Variants in SLC4A4 observed in about 807,000 individuals in gnomAD.
The protein encoded by SLC4A4 is solute carrier family 4 member 4.
In SLC4A4, 27 loss-of-function variants were observed where a neutral mutation model predicts 111.5. That is an observed-to-expected ratio of 0.24 (90% CI 0.18 to 0.33). SLC4A4 has a LOEUF of 0.33. SLC4A4 is among the 10% of genes least tolerant of loss of function. SLC4A4 has a pLI of 1.00. For missense variants in SLC4A4, 909 were observed against 1,315.5 expected, an observed-to-expected ratio of 0.69 and a Z score of 4.78; for synonymous variants, 443 against 463.4, an observed-to-expected ratio of 0.96 and a Z score of 0.57.
chr4:71,324,304 CT>C (rs1727340516), intron 3 of SLC4A4, among the ~76,000 whole-genome samples: 3 of 152,042 alleles, frequency 2.0e-5, no homozygotes, highest in South Asian at 4.2e-4. Flanking sequence ...ACCATTGAGG[CT>C]GCTAAAAACT....
chr4:71,567,083 G>A lies in SLC4A4; in HGVS notation c.*36G>A. On this transcript the variant is annotated splice_region_variant and 3_prime_UTR_variant, in exon 25 of 26. Coordinates refer to ENST00000264485, the MANE Select transcript of SLC4A4 (RefSeq NM_001098484.3). ...TTCCTTCAGTCACTCGGTATGCCAA[G>A]GTAAAGGAGAGCCCAGTATTTTATG... 1 of 1,606,216 alleles carries A rather than the reference G, an allele frequency of 6.2e-7. No homozygotes were observed. Among genetic ancestry groups the A allele is most frequent in the Non-Finnish European group, 8.5e-7 (1 of 1,174,898 alleles).
At chr4:71,151,726 T>C (rs1744316108) in intron 2 of SLC4A4, among the ~76,000 whole-genome samples, 1 of 149,996 alleles carries the variant, frequency 6.7e-6, no homozygotes, top group South Asian at 2.1e-4. Context: ...CAAGGCTAGC[T>C]TGGGCAACAT....
chr4:71,412,326 C>G (rs773843371), intron 7 of SLC4A4, among the ~76,000 whole-genome samples: 3 of 152,160 alleles, frequency 2.0e-5, no homozygotes, highest in Non-Finnish European at 2.9e-5. Context: ...TGCCTGGGCA[C>G]TAACCTAAGA....
chr4:71,394,324 T>C (rs1270778021), intron 6 of SLC4A4, among the ~76,000 whole-genome samples: 1 of 151,320 alleles, frequency 6.6e-6, no homozygotes, highest in Non-Finnish European at 1.5e-5. Context: ...AAAAATCCCA[T>C]CAAAAAGTGG....
intron 2 of SLC4A4, among the ~76,000 whole-genome samples, chr4:71,106,951 GAAA>G (rs888017363): frequency 7.0e-6 from 1 of 143,068 alleles, no homozygotes; most frequent in Non-Finnish European, 1.5e-5. Flanking sequence ...TAAATAATAA[GAAA>G]AAAAAGTCTG....
At chr4:71,210,763 T>C (rs1037429746) in intron 1 of SLC4A4, among the ~76,000 whole-genome samples, 1 of 152,218 alleles carries the variant, frequency 6.6e-6, no homozygotes, top group Non-Finnish European at 1.5e-5. Flanking sequence ...GTTTATATAT[T>C]TTTCTACCTC....
intron 2 of SLC4A4, among the ~76,000 whole-genome samples, chr4:71,142,149 A>G (rs1274534541): frequency 6.6e-6 from 1 of 152,226 alleles, no homozygotes; most frequent in African/African-American, 2.4e-5. Context: ...ACTGCTCTAT[A>G]ATTAGACCTA....
chr4:71,479,999 T>C (rs958803459), intron 14 of SLC4A4, among the ~76,000 whole-genome samples: 8 of 147,952 alleles, frequency 5.4e-5, no homozygotes, highest in South Asian at 4.3e-4. Flanking sequence ...TTTTGTGAAA[T>C]TGGGGACAAA....
At chr4:71,349,421 G>A (rs898844249) in intron 4 of SLC4A4, among the ~76,000 whole-genome samples, 1 of 152,208 alleles carries the variant, frequency 6.6e-6, no homozygotes, top group African/African-American at 2.4e-5. Context: ...CATTCATCTT[G>A]CCACTTCACG....
intron 9 of SLC4A4, 83 bp downstream of exon 9, chr4:71,447,816 A>G (rs1265399455): frequency 3.2e-5 from 28 of 886,680 alleles, no homozygotes; most frequent in South Asian, 1.7e-4. Flanking sequence ...AATTTATTCA[A>G]TTAGAATTAT....
intron 3 of SLC4A4, among the ~76,000 whole-genome samples, chr4:71,307,483 G>T (rs1468001687): frequency 6.6e-6 from 1 of 152,150 alleles, no homozygotes; most frequent in Non-Finnish European, 1.5e-5. Context: ...AGTATAACTG[G>T]TTACCAAGGG....
At chr4:71,190,999 T>C (rs574977697) in intron 1 of SLC4A4, among the ~76,000 whole-genome samples, 6 of 152,366 alleles carry the variant, frequency 3.9e-5, no homozygotes, top group African/African-American at 1.4e-4. Flanking sequence ...GTAACAACAT[T>C]CTGTTTTTCA....
At chr4:71,173,265 A>G (rs768837348) in intron 2 of SLC4A4, among the ~76,000 whole-genome samples, 9 of 152,244 alleles carry the variant, frequency 5.9e-5, no homozygotes, top group Non-Finnish European at 1.2e-4. Flanking sequence ...AAGTATATGT[A>G]GGTATTGATA....
intron 2 of SLC4A4, among the ~76,000 whole-genome samples, chr4:71,114,989 T>C (rs1272556624): frequency 3.1e-5 from 4 of 129,098 alleles, no homozygotes; most frequent in African/African-American, 9.1e-5. Flanking sequence ...ATATACACCA[T>C]GGAATACTAT....
intron 2 of SLC4A4, among the ~76,000 whole-genome samples, chr4:71,130,298 T>C (rs1451647871): frequency 6.6e-6 from 1 of 152,118 alleles, no homozygotes; most frequent in African/African-American, 2.4e-5. Context: ...AGCACAATCA[T>C]AGTTCACTGC....
chr4:71,133,976 A>G (rs1411527229), intron 2 of SLC4A4, among the ~76,000 whole-genome samples: 1 of 152,154 alleles, frequency 6.6e-6, no homozygotes, highest in African/African-American at 2.4e-5. Flanking sequence ...CTAGGCCTTT[A>G]CTATGCTCCT....
intron 2 of SLC4A4, among the ~76,000 whole-genome samples, chr4:71,163,383 G>C (rs1398817822): frequency 6.6e-6 from 1 of 152,196 alleles, no homozygotes; most frequent in Non-Finnish European, 1.5e-5. Flanking sequence ...TCTAGTCTTA[G>C]TATTTCTATA....
At chr4:71,247,707 C>T (rs1391214457) in intron 2 of SLC4A4, among the ~76,000 whole-genome samples, 1 of 152,146 alleles carries the variant, frequency 6.6e-6, no homozygotes, top group Non-Finnish European at 1.5e-5. Flanking sequence ...ACTGTCAGTT[C>T]TCTGTGTTTG....
At chr4:71,194,834 AC>A (rs1186665510) in intron 1 of SLC4A4, among the ~76,000 whole-genome samples, 1 of 152,190 alleles carries the variant, frequency 6.6e-6, no homozygotes, top group African/African-American at 2.4e-5. Flanking sequence ...ATAGCTGAAA[AC>A]TGGAGCTTTT....
Sources: gnomAD v4.1 joint callset for allele counts (sites outside exome capture counted in the v4.1 genomes callset) on GRCh38, gnomAD v4.1.1 for gene constraint, MANE v1.5 for transcripts, NCBI Gene and HGNC (gene_info 2026-07-23, HGNC 2026-07-21) for gene names.